Variants in PTCHD4 observed in about 807,000 individuals in gnomAD.
PTCHD4 encodes patched domain containing 4, also known as patched domain-containing protein 4.
A neutral mutation model predicts 58.1 loss-of-function variants in PTCHD4; 33 were observed. That is an observed-to-expected ratio of 0.57 (90% CI 0.43 to 0.76). The LOEUF is 0.76. PTCHD4 is among the 30% of genes least tolerant of loss of function. PTCHD4 has a pLI of 0.00. For missense variants in PTCHD4, 1,058 were observed against 1,027.1 expected (o/e 1.03, Z -0.41); for synonymous variants, 478 against 409.6 (o/e 1.17, Z -2.02).
intron 3 of PTCHD4, among the ~76,000 whole-genome samples, chr6:48,060,953 C>T (rs1263358617): frequency 3.3e-5 from 5 of 152,210 alleles, no homozygotes; most frequent in Non-Finnish European, 7.3e-5. Context: ...GAATTCATCT[C>T]AATGACAGAA....
chr6:47,876,927 C>G lies in PTCHD4; in HGVS notation c.*1376G>C, dbSNP rs1429799415. Among the ~76,000 whole-genome samples the G allele has an allele frequency of 6.6e-6, 1 of 151,914 alleles. No homozygotes were observed. The highest frequency in any genetic ancestry group is 1.5e-5 in the Non-Finnish European group (1 of 67,906). On this transcript the variant is annotated 3_prime_UTR_variant, in exon 5 of 5. Coordinates refer to ENST00000339488, the MANE Select transcript of PTCHD4 (RefSeq NM_001384253.1). Reference sequence around the variant, plus strand: ...TAGTTAATATCCCACCTGTGGAGAGCTGCGATCACCCTAGGAGGTGGGCCA... The same window carrying G: ...TAGTTAATATCCCACCTGTGGAGAGGTGCGATCACCCTAGGAGGTGGGCCA...
intron 4 of PTCHD4, among the ~76,000 whole-genome samples, chr6:47,910,477 G>T (rs963135270): frequency 1.3e-5 from 2 of 151,944 alleles, no homozygotes; most frequent in African/African-American, 4.8e-5. Flanking sequence ...CCTAATAATG[G>T]AATCACCTTA....
chr6:47,860,509 C>A lies in PTCHD4; in HGVS notation c.*17794G>T, dbSNP rs1763399404. The stretch of plus-strand genomic sequence containing the variant: ...TCCCAACTTAGAGCTTATACCTATA[C>A]ATCTGTAGATCTCTTCTTCCTGTCC... On this transcript the variant is annotated 3_prime_UTR_variant, in exon 5 of 5. Transcript: ENST00000339488. Among the ~76,000 whole-genome samples, 1 of 152,016 alleles carries A rather than the reference C, an allele frequency of 6.6e-6. No individual in the cohort carries two copies. The highest frequency in any genetic ancestry group is 1.5e-5 in the Non-Finnish European group (1 of 67,934).
At position 48,019,748 on chromosome 6, in the gene PTCHD4, A is replaced by AT. The variant is rs1200654272; in HGVS notation, c.418-10635_418-10634insA. On this transcript the variant is annotated intron_variant, in intron 3 of 4. Transcript: ENST00000339488. Reference sequence around the variant, plus strand: ...GAGACTCCGTCTCAAAAAAAAAAAAAATAATAATATATGTACTGTGGCAGT... The same window carrying AT: ...GAGACTCCGTCTCAAAAAAAAAAAAATATAATAATATATGTACTGTGGCAGT... 6.3e-4 allele frequency among the ~76,000 whole-genome samples: 89 copies of AT among 140,760 alleles called. 1 individual carries two copies. In the South Asian group the frequency reaches 0.015, roughly 23 times the overall value. The allele number at this position is 140,760 out of a possible 152,430, so 92.3% of individuals were successfully genotyped here.
intron 4 of PTCHD4, among the ~76,000 whole-genome samples, chr6:47,975,045 G>A (rs995342848): frequency 5.3e-5 from 8 of 152,002 alleles, no homozygotes; most frequent in African/African-American, 1.9e-4. Context: ...ATCTCCTCTG[G>A]GAAGCCTTCT....
intron 3 of PTCHD4, among the ~76,000 whole-genome samples, chr6:48,036,958 G>C (rs1763660601): frequency 6.6e-6 from 1 of 152,124 alleles, no homozygotes; most frequent in African/African-American, 2.4e-5. Context: ...GCATTCTATT[G>C]ATGGCAACTT....
At chr6:47,893,168 G>A (rs917959007) in intron 4 of PTCHD4, among the ~76,000 whole-genome samples, 12 of 151,976 alleles carry the variant, frequency 7.9e-5, no homozygotes, top group Admixed American at 5.2e-4. Context: ...GTGCCACCAC[G>A]CCCAGCTAAT....
Position 47,873,045 on chromosome 6 carries a change from A to T in PTCHD4, c.*5258T>A, listed in dbSNP as rs546975462. On this transcript the variant is annotated 3_prime_UTR_variant, in exon 5 of 5. Coordinates refer to ENST00000339488, the MANE Select transcript of PTCHD4 (RefSeq NM_001384253.1). ...TGATGCTTATGTCGGTGCTTACTTT[A>T]AGCTTCTTTACAAAGAGTCTCCCTA... 8.4e-4 allele frequency among the ~76,000 whole-genome samples: 128 copies of T among 151,758 alleles called. No individual in the cohort carries two copies. Among genetic ancestry groups the T allele is most frequent in the African/African-American group, 2.8e-3 (118 of 41,482 alleles).
rs1026502603 is a variant in PTCHD4 at position 48,049,379 on chromosome 6, T to C, written c.417+18851A>G. Among the ~76,000 whole-genome samples the C allele has an allele frequency of 4.6e-5, 7 of 152,054 alleles. No homozygotes were observed. In the East Asian group the frequency reaches 1.2e-3, roughly 25 times the overall value. ...TATTGAAATACTTGAGGGTCCTACA[T>C]TGGGCTGTTCCAAGGTGGCTTTCTG... On this transcript the variant is annotated intron_variant, in intron 3 of 4. Transcript: ENST00000339488.
chr6:48,106,444 A>T (rs1272897515), intron 1 of PTCHD4, among the ~76,000 whole-genome samples: 1 of 152,220 alleles, frequency 6.6e-6, no homozygotes, highest in African/African-American at 2.4e-5. Flanking sequence ...TATTGATAAG[A>T]CGTATCTCAA....
chr6:47,911,810 A>G (rs989898808), intron 4 of PTCHD4, among the ~76,000 whole-genome samples: 1 of 152,062 alleles, frequency 6.6e-6, no homozygotes, highest in Admixed American at 6.6e-5. Flanking sequence ...GAATTCTGGG[A>G]ATCATTCATG....
At chr6:47,983,776 A>G (rs1767970636) in intron 4 of PTCHD4, among the ~76,000 whole-genome samples, 1 of 152,216 alleles carries the variant, frequency 6.6e-6, no homozygotes, top group Non-Finnish European at 1.5e-5. Context: ...GTCTAGGCTA[A>G]TCTGTCAGTC....
chr6:48,064,565 AT>A (rs1010908889), intron 3 of PTCHD4, among the ~76,000 whole-genome samples: 5 of 152,204 alleles, frequency 3.3e-5, no homozygotes, highest in Non-Finnish European at 7.4e-5. Flanking sequence ...TTGAAAAAAA[AT>A]AGCCCCTAAA....
intron 3 of PTCHD4, among the ~76,000 whole-genome samples, chr6:48,032,595 T>C (rs539431810): frequency 1.3e-5 from 2 of 152,278 alleles, no homozygotes; most frequent in South Asian, 4.1e-4. Flanking sequence ...TAACATATTG[T>C]ATTAAGAATA....
chr6:47,907,304 G>A (rs1343168574), intron 4 of PTCHD4, among the ~76,000 whole-genome samples: 3 of 152,166 alleles, frequency 2.0e-5, no homozygotes, highest in Admixed American at 6.6e-5. Context: ...CACAACCACT[G>A]TGTAGAATGG....
chr6:47,934,232 A>G (rs2113911473), intron 4 of PTCHD4, among the ~76,000 whole-genome samples: 1 of 152,234 alleles, frequency 6.6e-6, no homozygotes, highest in South Asian at 2.1e-4. Flanking sequence ...TTCAAGCTGC[A>G]GGCGGGAAGT....
Position 47,875,297 on chromosome 6 carries a change from C to T in PTCHD4, c.*3006G>A, listed in dbSNP as rs933689253. ...AAACTGGAAAAACTAGGGAGAGGTGCATACAAGCTACCAAAAAAGGTTGGG... is the reference window on the plus strand; with the variant it reads ...AAACTGGAAAAACTAGGGAGAGGTGTATACAAGCTACCAAAAAAGGTTGGG... On this transcript the variant is annotated 3_prime_UTR_variant, in exon 5 of 5. Coordinates refer to ENST00000339488, the MANE Select transcript of PTCHD4 (RefSeq NM_001384253.1). Among the ~76,000 whole-genome samples, 8 of 151,668 alleles carry T rather than the reference C, an allele frequency of 5.3e-5. No homozygotes were observed. Among genetic ancestry groups the T allele is most frequent in the Non-Finnish European group, 1.0e-4 (7 of 67,816 alleles).
intron 4 of PTCHD4, among the ~76,000 whole-genome samples, chr6:47,986,637 C>T (rs1283670560): frequency 6.6e-6 from 1 of 152,152 alleles, no homozygotes; most frequent in Non-Finnish European, 1.5e-5. Context: ...TTACTGTCAT[C>T]AAGTCATTGA....
chr6:48,070,875 C>G (rs1282391451), intron 1 of PTCHD4, among the ~76,000 whole-genome samples: 1 of 152,190 alleles, frequency 6.6e-6, no homozygotes, highest in Non-Finnish European at 1.5e-5. Context: ...ATGTATCTAT[C>G]GTCCATTTTC....
Sources: allele counts gnomAD v4.1 joint callset (sites outside exome capture counted in the v4.1 genomes callset), GRCh38; gene constraint gnomAD v4.1.1; transcripts MANE v1.5; gene names NCBI Gene and HGNC (gene_info 2026-07-23, HGNC 2026-07-21).